Variants in CNTNAP2 observed in about 807,000 individuals in gnomAD.
CNTNAP2 encodes contactin associated protein 2, also known as contactin-associated protein-like 2.
In CNTNAP2, 98 loss-of-function variants were observed where a neutral mutation model predicts 155.2. The ratio of observed to expected loss-of-function variants is 0.63; its 90% confidence interval spans 0.54 to 0.75. The LOEUF is 0.75. Among genes scored for constraint, CNTNAP2 ranks in the 30% least tolerant of loss-of-function variants. CNTNAP2 has a pLI of 0.00. For missense variants in CNTNAP2, 1,727 were observed against 1,688.1 expected (o/e 1.02, Z -0.40); for synonymous variants, 651 against 631.2 (o/e 1.03, Z -0.47).
chr7:146,801,409 C>T (rs1802875466), intron 2 of CNTNAP2, among the ~76,000 whole-genome samples: 1 of 152,070 alleles, frequency 6.6e-6, no homozygotes, highest in South Asian at 2.1e-4. Context: ...ATTGACCAAA[C>T]ATTTATTGAA....
intron 1 of CNTNAP2, among the ~76,000 whole-genome samples, chr7:146,530,253 G>A (rs1797750627): frequency 6.6e-6 from 1 of 152,054 alleles, no homozygotes; most frequent in African/African-American, 2.4e-5. Flanking sequence ...AGATGTAAAT[G>A]TAAAATCTAA....
intron 1 of CNTNAP2, among the ~76,000 whole-genome samples, chr7:146,635,062 A>C (rs1262542119): frequency 6.6e-6 from 1 of 152,162 alleles, no homozygotes; most frequent in East Asian, 1.9e-4. Flanking sequence ...GAAATCAGAG[A>C]TTTAATCTCA....
intron 9 of CNTNAP2, among the ~76,000 whole-genome samples, chr7:147,303,492 A>C (rs765952013): frequency 2.0e-4 from 31 of 152,222 alleles, no homozygotes; most frequent in Non-Finnish European, 3.8e-4. Context: ...ACACAAATGC[A>C]CACAACTCTA....
intron 16 of CNTNAP2, among the ~76,000 whole-genome samples, chr7:148,131,304 G>T (rs548306067): frequency 1.3e-5 from 2 of 151,774 alleles, no homozygotes; most frequent in East Asian, 1.9e-4. Context: ...TCACTGTGTT[G>T]GCCAGGATGG....
At chr7:147,088,936 G>A (rs1046025130) in intron 4 of CNTNAP2, among the ~76,000 whole-genome samples, 1 of 151,884 alleles carries the variant, frequency 6.6e-6, no homozygotes, top group Non-Finnish European at 1.5e-5. Flanking sequence ...AGAGCAAGAT[G>A]CTGTCTCCAA....
chr7:148,307,807 C>T (rs1433689623), intron 21 of CNTNAP2, among the ~76,000 whole-genome samples: 10 of 151,536 alleles, frequency 6.6e-5, no homozygotes, highest in Admixed American at 5.9e-4. Flanking sequence ...CCCATCTCTA[C>T]AAAAAAAACA....
intron 1 of CNTNAP2, among the ~76,000 whole-genome samples, chr7:146,299,496 A>C (rs1035989627): frequency 5.9e-5 from 9 of 152,040 alleles, no homozygotes; most frequent in African/African-American, 2.2e-4. Context: ...TAATCCTCCC[A>C]TTTCAGCCTC....
At chr7:147,419,073 A>G (rs1260418474) in intron 10 of CNTNAP2, among the ~76,000 whole-genome samples, 1 of 152,196 alleles carries the variant, frequency 6.6e-6, no homozygotes, top group East Asian at 1.9e-4. Context: ...TCCAATGCCA[A>G]AAAAATTTCA....
At chr7:147,264,575 G>A (rs914816181) in intron 8 of CNTNAP2, among the ~76,000 whole-genome samples, 17 of 150,616 alleles carry the variant, frequency 1.1e-4, no homozygotes, top group African/African-American at 4.1e-4. Context: ...ACCCTCTGAT[G>A]GAGCTGCTCC....
intron 2 of CNTNAP2, among the ~76,000 whole-genome samples, chr7:146,803,768 C>T (rs1802921513): frequency 6.6e-6 from 1 of 152,160 alleles, no homozygotes; most frequent in Non-Finnish European, 1.5e-5. Flanking sequence ...ATACAATATT[C>T]AGATGTGTGT....
chr7:146,835,616 A>G (rs1803601949), intron 2 of CNTNAP2, among the ~76,000 whole-genome samples: 1 of 152,164 alleles, frequency 6.6e-6, no homozygotes. Context: ...ATAACATATA[A>G]AAAACACACT....
chr7:147,045,162 T>G (rs1030158985), intron 4 of CNTNAP2, among the ~76,000 whole-genome samples: 1 of 152,144 alleles, frequency 6.6e-6, no homozygotes, highest in Non-Finnish European at 1.5e-5. Context: ...ATGCTGGGTA[T>G]GAACAAGGAG....
Position 148,371,272 on chromosome 7 carries a change from G to C in CNTNAP2, c.3476-12377G>C, listed in dbSNP as rs77266044. ...ACAAAGGAGGGGGAGAGGAGGCTAC[G>C]TGCAGTTACCAGGTGTGTCCTATAC... On this transcript the variant is annotated intron_variant, in intron 21 of 23. Coordinates refer to ENST00000361727, the MANE Select transcript of CNTNAP2 (RefSeq NM_014141.6). Among the ~76,000 whole-genome samples, 12 of 152,288 alleles carry C rather than the reference G, an allele frequency of 7.9e-5. 2 individuals carry two copies. Among genetic ancestry groups the C allele is most frequent in the Middle Eastern group, 6.8e-3 (2 of 294 alleles).
chr7:146,798,671 A>C (rs528423124), intron 2 of CNTNAP2, among the ~76,000 whole-genome samples: 1 of 152,282 alleles, frequency 6.6e-6, no homozygotes, highest in Non-Finnish European at 1.5e-5. Flanking sequence ...TATCAAATGC[A>C]ATTATGACAT....
chr7:147,095,088 C>T lies in CNTNAP2; in HGVS notation c.551-13059C>T, dbSNP rs768280737. ...AGGCTGGAGTGCAATGGCGCAGTCT[C>T]GGCTCACTGCAACCTTCGTCTACCG... is the stretch of plus-strand genomic sequence containing the variant. On this transcript the variant is annotated intron_variant, in intron 4 of 23. Coordinates refer to ENST00000361727, the MANE Select transcript of CNTNAP2 (RefSeq NM_014141.6). Among the ~76,000 whole-genome samples the T allele has an allele frequency of 7.2e-5, 11 of 152,000 alleles. 1 individual carries two copies. Among genetic ancestry groups the T allele is most frequent in the Non-Finnish European group, 1.2e-4 (8 of 67,980 alleles).
intron 18 of CNTNAP2, among the ~76,000 whole-genome samples, chr7:148,178,440 T>A (rs781028045): frequency 6.6e-6 from 1 of 152,200 alleles, no homozygotes; most frequent in Non-Finnish European, 1.5e-5. Context: ...AGTGTTTCCA[T>A]CATTTACAGT....
At position 147,950,090 on chromosome 7, in the gene CNTNAP2, C is replaced by A. The variant is rs1800899204; in HGVS notation, c.2256-27772C>A. ...TGCAATGAGTTGGTTCTGTAGATAG[C>A]CCTGCAGAATCCTGGGGGGTGTTTC... On this transcript the variant is annotated intron_variant, in intron 14 of 23. Transcript: ENST00000361727. 3.9e-5 allele frequency among the ~76,000 whole-genome samples: 6 copies of A among 151,962 alleles called. No homozygotes were observed. In the South Asian group the frequency reaches 1.2e-3, roughly 32 times the overall value.
intron 9 of CNTNAP2, among the ~76,000 whole-genome samples, chr7:147,323,607 G>A (rs918621011): frequency 3.3e-5 from 5 of 151,802 alleles, no homozygotes; most frequent in African/African-American, 1.2e-4. Flanking sequence ...TTGGTGCAGA[G>A]CTGAGTTCAA....
intron 1 of CNTNAP2, among the ~76,000 whole-genome samples, chr7:146,227,444 A>G (rs958381057): frequency 1.3e-5 from 2 of 151,356 alleles, no homozygotes; most frequent in East Asian, 1.9e-4. Flanking sequence ...AAAAAAAAAA[A>G]AAAAAGAAAA....
Sources: gnomAD v4.1 joint callset for allele counts (sites outside exome capture counted in the v4.1 genomes callset) on GRCh38, gnomAD v4.1.1 for gene constraint, MANE v1.5 for transcripts, NCBI Gene and HGNC (gene_info 2026-07-23, HGNC 2026-07-21) for gene names.